AK5: variants seen among roughly 807,000 people sequenced by gnomAD.
The protein encoded by AK5 is adenylate kinase isoenzyme 5.
In AK5, 27 loss-of-function variants were observed where a neutral mutation model predicts 69.5. That is an observed-to-expected ratio of 0.39 (90% CI 0.29 to 0.54). AK5 has a LOEUF of 0.54. Among genes scored for constraint, AK5 ranks in the 20% least tolerant of loss-of-function variants. The pLI is 0.71. For missense variants in AK5, 531 were observed against 700.4 expected (o/e 0.76, Z 2.73); for synonymous variants, 260 against 244.4 (o/e 1.06, Z -0.60).
chr1:77,499,491 G>A (rs941850754), intron 10 of AK5, among the ~76,000 whole-genome samples: 3 of 152,152 alleles, frequency 2.0e-5, no homozygotes, highest in African/African-American at 7.2e-5. Flanking sequence ...CCGGCCCAGC[G>A]ACCTTGGTGT....
intron 8 of AK5, among the ~76,000 whole-genome samples, chr1:77,472,837 A>T (rs548492826): frequency 1.6e-5 from 2 of 127,732 alleles, no homozygotes. Flanking sequence ...TGTCTTTTTC[A>T]GATTCTAGTT....
chr1:77,532,220 C>T (rs1658682374), intron 12 of AK5: 1 of 155,474 alleles, frequency 6.4e-6, no homozygotes, highest in Non-Finnish European at 1.4e-5. Context: ...CCAGAGTGGG[C>T]GCCAAGGCGG....
chr1:77,319,903 G>A (rs969929872), intron 5 of AK5, among the ~76,000 whole-genome samples: 2 of 152,230 alleles, frequency 1.3e-5, no homozygotes, highest in Non-Finnish European at 2.9e-5. Context: ...AAATGTTAGA[G>A]ATGCTGAATT....
In AK5 at chr1:77,541,824, G is replaced by A. The variant is rs116486466; in HGVS notation, c.1620+5786G>A. 5.0e-3 allele frequency among the ~76,000 whole-genome samples: 766 copies of A among 152,304 alleles called. 10 individuals are homozygous for A. The highest frequency in any genetic ancestry group is 0.017 in the African/African-American group (726 of 41,552). Reference sequence around the variant, plus strand: ...CATTTGCACATTACCACGGCACTCTGATTCCCAGCTCCAGATTCCTGAGAG... The same window carrying A: ...CATTTGCACATTACCACGGCACTCTAATTCCCAGCTCCAGATTCCTGAGAG... On this transcript the variant is annotated intron_variant, in intron 13 of 13. Transcript: ENST00000354567.
chr1:77,486,285 C>G (rs753297599), intron 9 of AK5, 23 bp from the exon 10 acceptor site: 2 of 1,510,302 alleles, frequency 1.3e-6, no homozygotes, highest in African/African-American at 1.4e-5. Flanking sequence ...TTGCCAATAA[C>G]TTAAGTTATT....
intron 8 of AK5, among the ~76,000 whole-genome samples, chr1:77,474,947 G>C (rs1348150623): frequency 6.6e-6 from 1 of 151,766 alleles, no homozygotes; most frequent in Admixed American, 6.6e-5. Context: ...TGAAACTATA[G>C]GTGTGCACCA....
intron 4 of AK5, 42 bp downstream of exon 4, chr1:77,297,770 A>C (rs112802310): frequency 1.9e-6 from 3 of 1,605,010 alleles, no homozygotes; most frequent in African/African-American, 1.3e-5. Context: ...AAATGTTTTC[A>C]TACCGATTGA....
In AK5 at chr1:77,319,271, C is replaced by T. The variant is rs116124862; in HGVS notation, c.700-21106C>T. 2.9e-3 allele frequency among the ~76,000 whole-genome samples: 437 copies of T among 152,194 alleles called. 1 individual carries two copies. The highest frequency in any genetic ancestry group is 0.01 in the African/African-American group (420 of 41,524). On this transcript the variant is annotated intron_variant, in intron 5 of 13. Transcript: ENST00000354567. ...CCTCTGATCTCCTACTGATGCTTAC[C>T]GTTGGTCAAAAACAGCTGCAAGCCA...
At chr1:77,489,313 T>C (rs980588969) in intron 10 of AK5, among the ~76,000 whole-genome samples, 5 of 152,164 alleles carry the variant, frequency 3.3e-5, no homozygotes, top group Non-Finnish European at 5.9e-5. Context: ...TACTGATCAG[T>C]CACTCTTCTA....
rs538120227 is a variant in AK5 at position 77,506,711 on chromosome 1, T to G, written c.1148-11853T>G. Among the ~76,000 whole-genome samples the G allele has an allele frequency of 2.6e-5, 4 of 152,272 alleles. 1 individual carries two copies. The South Asian group carries it at 8.3e-4, about 32-fold the overall frequency. Reference sequence around the variant, plus strand: ...ATCCCTAAAGTCTACTATTCATTGTTAATGGGGCCGGGCACGGTGGCTCAC... The same window carrying G: ...ATCCCTAAAGTCTACTATTCATTGTGAATGGGGCCGGGCACGGTGGCTCAC... On this transcript the variant is annotated intron_variant, in intron 10 of 13. Coordinates refer to ENST00000354567, the MANE Select transcript of AK5 (RefSeq NM_174858.3).
chr1:77,485,091 T>C (rs2647498), intron 9 of AK5, among the ~76,000 whole-genome samples: 149,558 of 152,362 alleles, frequency 0.98, 73,462 homozygotes, highest in East Asian at 1. Flanking sequence ...ACCATCTGGT[T>C]CCACATGTTA....
intron 6 of AK5, among the ~76,000 whole-genome samples, chr1:77,390,325 G>A (rs76859310): frequency 0.085 from 12,877 of 152,200 alleles, 727 homozygotes; most frequent in South Asian, 0.17. Flanking sequence ...ATTTGTCATG[G>A]TTTACAAAAC....
intron 8 of AK5, among the ~76,000 whole-genome samples, chr1:77,451,393 T>C (rs572958933): frequency 9.8e-5 from 15 of 152,338 alleles, no homozygotes; most frequent in Non-Finnish European, 1.8e-4. Context: ...TTAATGGCAC[T>C]ATAAAATATA....
At chr1:77,551,536 AG>A (rs1390408176) in intron 13 of AK5, among the ~76,000 whole-genome samples, 3 of 152,092 alleles carry the variant, frequency 2.0e-5, no homozygotes, top group Non-Finnish European at 1.5e-5. Context: ...CAAAATGAGG[AG>A]GGGGATTGGG....
intron 8 of AK5, among the ~76,000 whole-genome samples, chr1:77,467,897 C>T (rs2100689099): frequency 6.6e-6 from 1 of 152,350 alleles, no homozygotes; most frequent in South Asian, 2.1e-4. Flanking sequence ...CCTTCCTCAT[C>T]ATCCCTCACC....
rs749712310 is a variant in AK5 at position 77,499,869 on chromosome 1, C to CTTT, written c.1147+13517_1147+13518insTTT. Among the ~76,000 whole-genome samples, 347 of 78,770 alleles carry CTTT rather than the reference C, an allele frequency of 4.4e-3. 75 individuals carry two copies. The highest frequency in any genetic ancestry group is 9.4e-3 in the East Asian group (24 of 2,556). 51.7% of individuals were successfully genotyped at this position (78,770 alleles called of 152,430 possible). A position where few individuals can be genotyped will look rare whatever the true frequency, so the allele number is the denominator to read the frequency against. ...GATGACAGAGACCATGCCCTTTTTC[C>CTTT]ATTTTTTTTTTTTTTTTTTTTTTTT... On this transcript the variant is annotated intron_variant, in intron 10 of 13. Coordinates refer to ENST00000354567, the MANE Select transcript of AK5 (RefSeq NM_174858.3).
At chr1:77,400,731 T>C (rs1649156440) in intron 6 of AK5, among the ~76,000 whole-genome samples, 1 of 152,102 alleles carries the variant, frequency 6.6e-6, no homozygotes, top group African/African-American at 2.4e-5. Flanking sequence ...TATCTCTTTA[T>C]TGTGTTGACT....
At chr1:77,462,216 T>C (rs1419151254) in intron 8 of AK5, among the ~76,000 whole-genome samples, 1 of 152,166 alleles carries the variant, frequency 6.6e-6, no homozygotes, top group Admixed American at 6.5e-5. Flanking sequence ...CACAAGAAAG[T>C]GATCAAGCCA....
chr1:77,529,731 A>G (rs1031071764), intron 12 of AK5, among the ~76,000 whole-genome samples: 1 of 152,192 alleles, frequency 6.6e-6, no homozygotes, highest in Admixed American at 6.5e-5. Flanking sequence ...AATTAACCAC[A>G]TATTAACAGA....
Sources: gnomAD v4.1 joint callset for allele counts (sites outside exome capture counted in the v4.1 genomes callset) on GRCh38, gnomAD v4.1.1 for gene constraint, MANE v1.5 for transcripts, NCBI Gene and HGNC (gene_info 2026-07-23, HGNC 2026-07-21) for gene names.